Variants in N4BP1 observed in about 807,000 individuals in gnomAD.
N4BP1 encodes NEDD4 binding protein 1.
Under a neutral mutation model 70.9 loss-of-function variants are expected in N4BP1, and 21 were observed. That is an observed-to-expected ratio of 0.30 (90% confidence interval 0.21 to 0.43). N4BP1 has a LOEUF of 0.43. Ranked by LOEUF, N4BP1 falls within the 20% of genes least tolerant of loss-of-function variation. The pLI is 1.00. For missense variants in N4BP1, 936 were observed against 1,069.4 expected, an observed-to-expected ratio of 0.88 and a Z score of 1.74; for synonymous variants, 387 against 394.6, an observed-to-expected ratio of 0.98 and a Z score of 0.23.
intron 1 of N4BP1, among the ~76,000 whole-genome samples, chr16:48,584,111 A>C (rs1457556067): frequency 1.3e-5 from 2 of 152,210 alleles, no homozygotes; most frequent in Admixed American, 1.3e-4. Context: ...CTCTGTATAC[A>C]TGAATCTGGT....
rs760607771 is a variant in N4BP1 at position 48,561,525 on chromosome 16, G to A, written c.1118C>T (p.Pro373Leu). Reference protein sequence around the residue: ...IVEKVIKVYGPSTEPLLLLEE... With the variant: ...IVEKVIKVYGLSTEPLLLLEE... ...TAAGAGCAATAATGGTTCAGTAGAT[G>A]GTCCATACACCTTAATGACCTTTTC... Residue 373 changes from proline to leucine, a missense_variant, in exon 2 of 7, where the codon CCA (proline) becomes CTA (leucine). Transcript: ENST00000262384. The A allele has an allele frequency of 9.3e-6, 15 of 1,613,438 alleles. No individual in the cohort carries two copies. The East Asian group carries it at 1.1e-4, about 12-fold the overall frequency.
chr16:48,566,202 T>G (rs1196464631), intron 1 of N4BP1, among the ~76,000 whole-genome samples: 1 of 152,056 alleles, frequency 6.6e-6, no homozygotes, highest in East Asian at 1.9e-4. Context: ...TCAAGACTTT[T>G]CTTTTCTTTC....
chr16:48,593,953 G>A (rs1964373121), intron 1 of N4BP1, among the ~76,000 whole-genome samples: 1 of 123,936 alleles, frequency 8.1e-6, no homozygotes, highest in Admixed American at 1.0e-4. Flanking sequence ...AGTGAGCCGA[G>A]ATCATGCCAC....
chr16:48,609,684 C>T, intron 1 of N4BP1, 91 bp downstream of exon 1: 1 of 1,128,610 alleles, frequency 8.9e-7, no homozygotes, highest in Non-Finnish European at 1.1e-6. Context: ...CCAGGCGCAT[C>T]GCGGCGGACG....
chr16:48,576,423 C>T (rs747669508), intron 1 of N4BP1, among the ~76,000 whole-genome samples: 24 of 152,206 alleles, frequency 1.6e-4, no homozygotes, highest in Non-Finnish European at 3.1e-4. Context: ...CATGGTCATA[C>T]TGAGTGTACT....
At chr16:48,547,272 A>G (rs1963603346) in intron 5 of N4BP1, among the ~76,000 whole-genome samples, 1 of 152,218 alleles carries the variant, frequency 6.6e-6, no homozygotes, top group Admixed American at 6.5e-5. Context: ...TTTCTGGTCT[A>G]TATCACTTGT....
intron 1 of N4BP1, among the ~76,000 whole-genome samples, chr16:48,566,112 C>T (rs1963939842): frequency 6.6e-6 from 1 of 152,028 alleles, no homozygotes; most frequent in Non-Finnish European, 1.5e-5. Context: ...TCATTAATTT[C>T]TGCTCTTTAT....
At chr16:48,567,894 A>C (rs1039804475) in intron 1 of N4BP1, among the ~76,000 whole-genome samples, 3 of 151,970 alleles carry the variant, frequency 2.0e-5, no homozygotes, top group African/African-American at 7.3e-5. Context: ...AGACTGCTTG[A>C]CCCAATGCTA....
rs1029948929 is a variant in N4BP1, at chr16:48,609,854, G to A, written c.119C>T (p.Ala40Val). ...GGGCAGCGGCTCCTCAGCCCCTAGC[G>A]CGCCGAGCACGGCTAGGCTCACGCC... is the stretch of plus-strand genomic sequence containing the variant. Reference protein sequence around the residue: ...LFGVSLAVLGALGAEEPLPAR... With the variant: ...LFGVSLAVLGVLGAEEPLPAR... The change falls in exon 1 of 7, where the codon GCG becomes GTG. Residue 40 changes from alanine to valine, a missense_variant. Coordinates refer to ENST00000262384, the MANE Select transcript of N4BP1 (RefSeq NM_153029.4). 2.7e-6 allele frequency: 4 copies of A among 1,490,534 alleles called. No homozygotes were observed. The highest frequency in any genetic ancestry group is 1.5e-5 in the African/African-American group (1 of 68,948). 92.3% of individuals were successfully genotyped at this position (1,490,534 alleles called of 1,614,324 possible). A position where few individuals can be genotyped will look rare whatever the true frequency, so the allele number is the denominator to read the frequency against.
chr16:48,595,397 T>C (rs139551620), intron 1 of N4BP1, among the ~76,000 whole-genome samples: 3,703 of 130,066 alleles, frequency 0.028, 70 homozygotes, highest in Middle Eastern at 0.13. Context: ...GCAGAGGTTG[T>C]AGTGAGCCGA....
intron 1 of N4BP1, among the ~76,000 whole-genome samples, chr16:48,586,477 G>GT (rs145327780): frequency 0.014 from 2,058 of 151,322 alleles, 40 homozygotes; most frequent in African/African-American, 0.047. Flanking sequence ...TTTTTTCACC[G>GT]TAACTACACG....
chr16:48,542,983 C>T lies in N4BP1; in HGVS notation c.2612G>A (p.Arg871Lys). The stretch of plus-strand genomic sequence containing the variant: ...CACCAAGATCTGGTCTATTTTCAGT[C>T]TTTGCTCTGAGTCAGGGAAGATCTT... ...LLKIFPDSEQ[R>K]LKIDQILVAH... The change falls in exon 7 of 7, where the codon AGA (arginine) becomes AAA (lysine). Residue 871 changes from arginine to lysine, a missense_variant. Around this residue, in one of 4 missense-constraint regions of N4BP1, gnomAD observed 229 missense variants for 343.5 expected, o/e 0.67. Coordinates refer to ENST00000262384, the MANE Select transcript of N4BP1 (RefSeq NM_153029.4). 1 of 1,614,062 alleles carries T rather than the reference C, an allele frequency of 6.2e-7. No homozygotes were observed. Among genetic ancestry groups the T allele is most frequent in the South Asian group, 1.1e-5 (1 of 91,088 alleles).
At chr16:48,554,315 T>C (rs1183804729) in intron 2 of N4BP1, among the ~76,000 whole-genome samples, 3 of 152,280 alleles carry the variant, frequency 2.0e-5, no homozygotes, top group East Asian at 1.9e-4. Flanking sequence ...CAGCCACAGA[T>C]AACTGTAAGT....
In N4BP1 at chr16:48,556,254, C is replaced by G. The variant is rs117603917; in HGVS notation, c.1890-2585G>C. ...ATACAAATTTACCCAAAAAATAAAA[C>G]TACAATGACAAAAAATTAAGTGAAG... On this transcript the variant is annotated intron_variant, in intron 2 of 6. Transcript: ENST00000262384. Among the ~76,000 whole-genome samples the G allele has an allele frequency of 5.9e-3, 894 of 152,244 alleles. 7 individuals carry two copies. Among genetic ancestry groups the G allele is most frequent in the Non-Finnish European group, 8.3e-3 (562 of 67,994 alleles).
intron 1 of N4BP1, among the ~76,000 whole-genome samples, chr16:48,574,683 C>T (rs1254235552): frequency 1.3e-5 from 2 of 152,140 alleles, no homozygotes; most frequent in Non-Finnish European, 2.9e-5. Context: ...TTTGAACTTA[C>T]AGAAATTTCA....
chr16:48,567,990 C>A (rs1963967047), intron 1 of N4BP1, among the ~76,000 whole-genome samples: 1 of 152,142 alleles, frequency 6.6e-6, no homozygotes, highest in Non-Finnish European at 1.5e-5. Flanking sequence ...ACCAGACAAC[C>A]AGAGACAGTC....
At chr16:48,608,908 G>C (rs1192005197) in intron 1 of N4BP1, among the ~76,000 whole-genome samples, 1 of 151,962 alleles carries the variant, frequency 6.6e-6, no homozygotes, top group Non-Finnish European at 1.5e-5. Context: ...AAAGAATAAC[G>C]CTATTTTTTG....
At chr16:48,571,809 AAGGT>A (rs1964024568) in intron 1 of N4BP1, among the ~76,000 whole-genome samples, 1 of 152,222 alleles carries the variant, frequency 6.6e-6, no homozygotes, top group South Asian at 2.1e-4. Flanking sequence ...AGAGGCCTTA[AAGGT>A]CCACCTAGGA....
At chr16:48,608,746 G>C (rs1379440000) in intron 1 of N4BP1, among the ~76,000 whole-genome samples, 2 of 139,062 alleles carry the variant, frequency 1.4e-5, no homozygotes, top group Non-Finnish European at 3.1e-5. Context: ...AGTTTCCCCA[G>C]CTGTTAATTA....
Sources: allele counts gnomAD v4.1 joint callset (sites outside exome capture counted in the v4.1 genomes callset), GRCh38; gene constraint gnomAD v4.1.1; regional missense constraint gnomAD v4.1.1; transcripts MANE v1.5; gene names NCBI Gene and HGNC (gene_info 2026-07-23, HGNC 2026-07-21).